The following MARK1 variants were observed in gnomAD, a reference collection of about 807,000 sequenced individuals.
MARK1 encodes microtubule affinity regulating kinase 1, also known as serine/threonine-protein kinase MARK1.
MARK1 carries 40 observed loss-of-function variants against 96.3 expected under a neutral mutation model. That is an observed-to-expected ratio of 0.42 (90% CI 0.32 to 0.54). The LOEUF (loss-of-function observed/expected upper bound fraction) is 0.54, where lower values mean the gene tolerates loss of function less well. Among genes scored for constraint, MARK1 ranks in the 20% least tolerant of loss-of-function variants. The pLI is 0.16. For missense variants in MARK1, 719 were observed against 984.6 expected (o/e 0.73, Z 3.61); for synonymous variants, 317 against 341.2 (o/e 0.93, Z 0.78).
intron 13 of MARK1, among the ~76,000 whole-genome samples, chr1:220,649,699 GT>G (rs1558323543): frequency 6.6e-6 from 1 of 151,990 alleles, no homozygotes; most frequent in African/African-American, 2.4e-5. Flanking sequence ...GTTTATATGA[GT>G]TTTTTTCCTT....
chr1:220,641,392 G>C (rs1372594595), intron 13 of MARK1, among the ~76,000 whole-genome samples: 1 of 152,134 alleles, frequency 6.6e-6, no homozygotes, highest in East Asian at 1.9e-4. Flanking sequence ...CTTCTACCGT[G>C]TGAAATCACA....
At chr1:220,566,336 A>G (rs1021182516) in intron 1 of MARK1, among the ~76,000 whole-genome samples, 1 of 152,186 alleles carries the variant, frequency 6.6e-6, no homozygotes, top group African/African-American at 2.4e-5. Flanking sequence ...GCATAAACCT[A>G]TGCTATTTAG....
In MARK1 at chr1:220,662,173, C is replaced by A. The variant is rs750658191; in HGVS notation, c.*7C>A. 1 of 1,592,968 alleles carries A rather than the reference C, an allele frequency of 6.3e-7. No homozygotes were observed. The highest frequency in any genetic ancestry group is 1.3e-5 in the African/African-American group (1 of 74,580). The stretch of plus-strand genomic sequence containing the variant: ...AAATGAGCTTAAGCTGTAAAGAAGT[C>A]CAAATTTACAGGTTCAGGGAAGATA... On this transcript the variant is annotated 3_prime_UTR_variant, in exon 18 of 18. Transcript: ENST00000366917.
intron 1 of MARK1, among the ~76,000 whole-genome samples, chr1:220,553,558 C>G (rs1005656818): frequency 3.3e-5 from 5 of 152,200 alleles, no homozygotes; most frequent in Non-Finnish European, 7.3e-5. Context: ...CAAGCTTTAT[C>G]TAATACATAC....
At chr1:220,622,859 G>A (rs1484352661) in intron 9 of MARK1, among the ~76,000 whole-genome samples, 1 of 152,084 alleles carries the variant, frequency 6.6e-6, no homozygotes, top group South Asian at 2.1e-4. Flanking sequence ...GACTGCAGCC[G>A]GGATGACAGA....
chr1:220,589,412 G>T (rs1286710838), intron 3 of MARK1, among the ~76,000 whole-genome samples: 1 of 152,158 alleles, frequency 6.6e-6, no homozygotes, highest in African/African-American at 2.4e-5. Flanking sequence ...ACATAATTGA[G>T]GGAAATATTG....
intron 11 of MARK1, among the ~76,000 whole-genome samples, chr1:220,633,915 G>A (rs1474240127): frequency 6.6e-6 from 1 of 152,114 alleles, no homozygotes; most frequent in African/African-American, 2.4e-5. Flanking sequence ...TGGAGGGAGA[G>A]ATTTGAATAA....
chr1:220,534,048 C>A lies in MARK1; in HGVS notation c.51+5175C>A, dbSNP rs529381128. On this transcript the variant is annotated intron_variant, in intron 1 of 17. Coordinates refer to ENST00000366917, the MANE Select transcript of MARK1 (RefSeq NM_018650.5). ...TGGTAAAAAGCACACATCAGATACACCCTTTTAACAAATTTTTAAGTGTGC... is the reference window on the plus strand; with the variant it reads ...TGGTAAAAAGCACACATCAGATACAACCTTTTAACAAATTTTTAAGTGTGC... Among the ~76,000 whole-genome samples, 5 of 152,154 alleles carry A rather than the reference C, an allele frequency of 3.3e-5. No homozygotes were observed. The South Asian group carries it at 8.3e-4, about 25-fold the overall frequency.
chr1:220,624,405 G>T (rs2102986879), intron 9 of MARK1, among the ~76,000 whole-genome samples: 1 of 151,750 alleles, frequency 6.6e-6, no homozygotes, highest in South Asian at 2.1e-4. Flanking sequence ...TTTGAGAGCA[G>T]CCTGACCGAC....
intron 9 of MARK1, among the ~76,000 whole-genome samples, chr1:220,628,805 G>A (rs896197679): frequency 2.6e-5 from 4 of 151,846 alleles, no homozygotes; most frequent in African/African-American, 7.3e-5. Context: ...TGTATCATGT[G>A]GCTGGGCATG....
chr1:220,653,168 A>G lies in MARK1; in HGVS notation c.1804A>G (p.Thr602Ala). The change falls in exon 16 of 18, where the codon ACC (threonine) becomes GCC (alanine). Residue 602 changes from threonine to alanine, a missense_variant. Thr to Ala is a moderately conservative substitution (Grantham distance 58, BLOSUM62 0). Around this residue, in one of 4 missense-constraint regions of MARK1, gnomAD observed 501 missense variants for 588.3 expected, o/e 0.85. Coordinates refer to ENST00000366917, the MANE Select transcript of MARK1 (RefSeq NM_018650.5). The stretch of plus-strand genomic sequence containing the variant: ...TATTAGTACTGCGACTCCAGACCGG[A>G]CCCGTTTTCCCCGAGGGAGCTCAAG... ...HSISTATPDR[T>A]RFPRGSSSRS... The G allele has an allele frequency of 6.2e-7, 1 of 1,614,162 alleles. No individual in the cohort carries two copies. Among genetic ancestry groups the G allele is most frequent in the South Asian group, 1.1e-5 (1 of 91,074 alleles).
At chr1:220,573,431 C>G (rs1663610618) in intron 1 of MARK1, among the ~76,000 whole-genome samples, 1 of 152,136 alleles carries the variant, frequency 6.6e-6, no homozygotes, top group Non-Finnish European at 1.5e-5. Flanking sequence ...TCACACTGTT[C>G]TCCTGCCTTA....
chr1:220,645,827 A>C (rs1442504868), intron 13 of MARK1, among the ~76,000 whole-genome samples: 1 of 152,230 alleles, frequency 6.6e-6, no homozygotes, highest in African/African-American at 2.4e-5. Context: ...CAATAGACAC[A>C]GAAAAAGCCT....
intron 1 of MARK1, among the ~76,000 whole-genome samples, chr1:220,574,523 G>C (rs1158989026): frequency 6.6e-6 from 1 of 152,102 alleles, no homozygotes; most frequent in Non-Finnish European, 1.5e-5. Flanking sequence ...TTGAGTTTAA[G>C]TCACATGGAG....
Position 220,636,038 on chromosome 1 carries a change from C to A in MARK1, c.1470+12C>A. On this transcript the variant is annotated intron_variant, in intron 13 of 17. Coordinates refer to ENST00000366917, the MANE Select transcript of MARK1 (RefSeq NM_018650.5). Reference sequence around the variant, plus strand: ...CAACTATTCCAAGTGTGAGTAAATACTCTGGTATATTGCAATTTATTGTAA... The same window carrying A: ...CAACTATTCCAAGTGTGAGTAAATAATCTGGTATATTGCAATTTATTGTAA... 1 of 1,561,294 alleles carries A rather than the reference C, an allele frequency of 6.4e-7. No homozygotes were observed. The highest frequency in any genetic ancestry group is 8.7e-7 in the Non-Finnish European group (1 of 1,150,484).
intron 1 of MARK1, among the ~76,000 whole-genome samples, chr1:220,533,641 G>A (rs555765322): frequency 1.3e-5 from 2 of 152,136 alleles, no homozygotes; most frequent in African/African-American, 4.8e-5. Context: ...TCACCACTCA[G>A]AAGGTAGTAT....
Position 220,642,857 on chromosome 1 carries a change from A to T in MARK1, c.1470+6831A>T, listed in dbSNP as rs139271062. 7.0e-3 allele frequency among the ~76,000 whole-genome samples: 1,059 copies of T among 152,278 alleles called. 17 individuals are homozygous for T. Among genetic ancestry groups the T allele is most frequent in the African/African-American group, 0.024 (1,014 of 41,552 alleles). ...GTGGACCCCCAGAAAACTGCAGCAG[A>T]CCTGCGGAAGAGGGGCCTGAGTGTT... On this transcript the variant is annotated intron_variant, in intron 13 of 17. Transcript: ENST00000366917.
At chr1:220,549,152 G>T (rs1401722334) in intron 1 of MARK1, among the ~76,000 whole-genome samples, 1 of 152,136 alleles carries the variant, frequency 6.6e-6, no homozygotes, top group African/African-American at 2.4e-5. Flanking sequence ...TAATTTCTTG[G>T]TTAAGAGCAC....
rs577590781 is a variant in MARK1, at chr1:220,625,784, C to T, written c.910-5251C>T. On this transcript the variant is annotated intron_variant, in intron 9 of 17. Transcript: ENST00000366917. ...CCAGGAGGAAAGTCTGTTACTACTACGACGGGGATGTTGGAAATTAATATT... is the reference window on the plus strand; with the variant it reads ...CCAGGAGGAAAGTCTGTTACTACTATGACGGGGATGTTGGAAATTAATATT... 217 of 452,514 alleles carry T rather than the reference C, an allele frequency of 4.8e-4. 1 individual carries two copies. Among genetic ancestry groups the T allele is most frequent in the South Asian group, 3.3e-3 (197 of 59,376 alleles). 28.0% of individuals were successfully genotyped at this position (452,514 alleles called of 1,614,324 possible).
Sources: gnomAD v4.1 joint callset for allele counts (sites outside exome capture counted in the v4.1 genomes callset) on GRCh38, gnomAD v4.1.1 for gene constraint, gnomAD v4.1.1 regional missense constraint, MANE v1.5 for transcripts, NCBI Gene and HGNC (gene_info 2026-07-23, HGNC 2026-07-21) for gene names.